The following DAD1 variants were observed in gnomAD, a reference collection of about 807,000 sequenced individuals.
DAD1 encodes defender against cell death 1, also known as dolichyl-diphosphooligosaccharide--protein glycosyltransferase subunit DAD1.
DAD1 carries 4 observed loss-of-function variants against 9.0 expected under a neutral mutation model. That is an observed-to-expected ratio of 0.44 (90% CI 0.22 to 1.01). The LOEUF (loss-of-function observed/expected upper bound fraction) is 1.01. Among genes scored for constraint, DAD1 ranks in the 50% least tolerant of loss-of-function variants. The pLI is 0.24. For synonymous variants in DAD1, 60 were observed against 62.5 expected (o/e 0.96, Z 0.19); for missense variants, 119 against 137.3 (o/e 0.87, Z 0.67).
At chr14:22,567,450 T>G (rs913110449) in intron 2 of DAD1, among the ~76,000 whole-genome samples, 13 of 152,184 alleles carry the variant, frequency 8.5e-5, no homozygotes, top group Non-Finnish European at 1.6e-4. Context: ...GAATCACCAG[T>G]TTTAGAAGGC....
intron 1 of DAD1, among the ~76,000 whole-genome samples, chr14:22,576,143 G>A (rs547294058): frequency 2.7e-4 from 41 of 152,276 alleles, no homozygotes; most frequent in African/African-American, 7.9e-4. Context: ...CCACAGGCAC[G>A]GGTGAACACA....
At chr14:22,582,301 T>G (rs1594884081) in intron 1 of DAD1, among the ~76,000 whole-genome samples, 1 of 149,398 alleles carries the variant, frequency 6.7e-6, no homozygotes, top group Non-Finnish European at 1.5e-5. Context: ...GATCACAAGG[T>G]CAGGAGATCG....
In DAD1 at chr14:22,589,197, T is replaced by C. The variant is rs2139251131; in HGVS notation, c.-40A>G. On this transcript the variant is annotated 5_prime_UTR_variant, in exon 1 of 3. Coordinates refer to ENST00000250498, the MANE Select transcript of DAD1 (RefSeq NM_001344.4). The stretch of plus-strand genomic sequence containing the variant: ...TACTCCGGTCCGCGCCCCAAACTCT[T>C]GGAGGACCCGTCGACCACACCGGAT... 1.2e-6 allele frequency: 2 copies of C among 1,605,680 alleles called. No individual in the cohort carries two copies. Among genetic ancestry groups the C allele is most frequent in the African/African-American group, 2.7e-5 (2 of 74,894 alleles).
Position 22,589,205 on chromosome 14 carries a change from C to A in DAD1, c.-48G>T. The A allele has an allele frequency of 6.3e-7, 1 of 1,590,514 alleles. No individual in the cohort carries two copies. Among genetic ancestry groups the A allele is most frequent in the Non-Finnish European group, 8.6e-7 (1 of 1,160,080 alleles). On this transcript the variant is annotated 5_prime_UTR_variant, in exon 1 of 3. Transcript: ENST00000250498. ...TCCGCGCCCCAAACTCTTGGAGGAC[C>A]CGTCGACCACACCGGATGTGCTGTT...
chr14:22,580,956 T>G (rs967582678), intron 1 of DAD1, among the ~76,000 whole-genome samples: 1 of 152,182 alleles, frequency 6.6e-6, no homozygotes, highest in Admixed American at 6.5e-5. Flanking sequence ...AAAAGCCTGT[T>G]CAAAATGCTC....
intron 1 of DAD1, among the ~76,000 whole-genome samples, chr14:22,581,724 C>T (rs1242642897): frequency 1.3e-5 from 1 of 78,290 alleles, no homozygotes; most frequent in African/African-American, 5.1e-5. Flanking sequence ...GCCTGGGCAA[C>T]AAGAGCAAAA....
intron 1 of DAD1, 105 bp downstream of exon 1, chr14:22,588,842 T>C (rs2037171755): frequency 2.6e-6 from 3 of 1,160,198 alleles, no homozygotes; most frequent in South Asian, 1.5e-5. Flanking sequence ...ATGCAGGCTC[T>C]TCTCATAACT....
intron 2 of DAD1, among the ~76,000 whole-genome samples, chr14:22,573,583 G>A (rs61972398): frequency 0.05 from 7,534 of 151,584 alleles, 235 homozygotes; most frequent in African/African-American, 0.076. Flanking sequence ...GGTGGCGGGC[G>A]CCTGTAGTCC....
At position 22,588,865 on chromosome 14, in the gene DAD1, G is replaced by T. The variant is rs2037171924; in HGVS notation, c.211+82C>A. The stretch of plus-strand genomic sequence containing the variant: ...TCTTCTCATAACTTCAAGGGGCGGT[G>T]GTCTGATATAGAGTACTATGAAAAC... On this transcript the variant is annotated intron_variant, in intron 1 of 2. Transcript: ENST00000250498. 8 of 1,360,018 alleles carry T rather than the reference G, an allele frequency of 5.9e-6. No homozygotes were observed. The South Asian group carries it at 7.9e-5, about 14-fold the overall frequency. The allele number at this position is 1,360,018 out of a possible 1,614,324, so 84.2% of individuals were successfully genotyped here.
At chr14:22,580,748 C>G (rs2037110666) in intron 1 of DAD1, among the ~76,000 whole-genome samples, 1 of 152,140 alleles carries the variant, frequency 6.6e-6, no homozygotes, top group Non-Finnish European at 1.5e-5. Context: ...TTGATGTATA[C>G]AATGCCCAAG....
chr14:22,584,416 G>A (rs1296973944), intron 1 of DAD1, among the ~76,000 whole-genome samples: 1 of 152,042 alleles, frequency 6.6e-6, no homozygotes, highest in African/African-American at 2.4e-5. Flanking sequence ...AGTCAGGGAA[G>A]GGTTCCAAAG....
At chr14:22,581,570 C>T (rs1469223014) in intron 1 of DAD1, among the ~76,000 whole-genome samples, 1 of 146,300 alleles carries the variant, frequency 6.8e-6, no homozygotes, top group Non-Finnish European at 1.5e-5. Context: ...GGAGAAACCC[C>T]GTCTCTACTA....
At chr14:22,568,279 T>C (rs2037014439) in intron 2 of DAD1, among the ~76,000 whole-genome samples, 1 of 152,250 alleles carries the variant, frequency 6.6e-6, no homozygotes, top group Admixed American at 6.5e-5. Context: ...TGTAAAAGTA[T>C]ATGTGGAATG....
Position 22,575,124 on chromosome 14 carries a change from A to G in DAD1, c.321T>C (p.Val107=), listed in dbSNP as rs756586308. Residue 107 remains valine, a synonymous_variant, in exon 2 of 3, where the codon GTT becomes GTC. Transcript: ENST00000250498. ...TGATTCAGCCAACAAAGTTCATGAC[A>G]ACAAGGTGCAGGATGGTGCTGGCAA... is the stretch of plus-strand genomic sequence containing the variant. ...FLFASTILHL[V]VMNFVG 5.0e-6 allele frequency: 8 copies of G among 1,614,108 alleles called. No individual in the cohort carries two copies. In the Admixed American group the frequency reaches 1.3e-4, roughly 27 times the overall value.
chr14:22,582,110 G>C (rs2037120904), intron 1 of DAD1, among the ~76,000 whole-genome samples: 1 of 152,144 alleles, frequency 6.6e-6, no homozygotes, highest in African/African-American at 2.4e-5. Context: ...GGGAGGCTGA[G>C]GCAGAAGAAT....
At chr14:22,579,528 G>C (rs2037100671) in intron 1 of DAD1, among the ~76,000 whole-genome samples, 1 of 152,266 alleles carries the variant, frequency 6.6e-6, no homozygotes, top group African/African-American at 2.4e-5. Flanking sequence ...TGAAGCAAGG[G>C]TAACCAGTGT....
rs1485176717 is a variant in DAD1 at position 22,567,161 on chromosome 14, T to A, written c.*45-2024A>T. 2.6e-5 allele frequency: 4 copies of A among 152,176 alleles called. No individual in the cohort carries two copies. The East Asian group carries it at 5.8e-4, about 22-fold the overall frequency. 9.4% of individuals were successfully genotyped at this position (152,176 alleles called of 1,614,324 possible). A position where few individuals can be genotyped will look rare whatever the true frequency, so the allele number is the denominator to read the frequency against. On this transcript the variant is annotated intron_variant, in intron 2 of 2. Coordinates refer to ENST00000250498, the MANE Select transcript of DAD1 (RefSeq NM_001344.4). ...GTGCCATTTAATCAGTTTGTTCTAA[T>A]CATCTAAAAAGAAAGCAAGGCATAA...
rs5742759 is a variant in DAD1, at chr14:22,584,250, T to C, written c.211+4697A>G. On this transcript the variant is annotated intron_variant, in intron 1 of 2. Coordinates refer to ENST00000250498, the MANE Select transcript of DAD1 (RefSeq NM_001344.4). ...ATTTAACATATACAGTGTTCAGCAC[T>C]GAGGATGGAGAGATGAGAAGACAGC... 8.1e-3 allele frequency among the ~76,000 whole-genome samples: 1,227 copies of C among 152,214 alleles called. 22 individuals carry two copies. Among genetic ancestry groups the C allele is most frequent in the African/African-American group, 0.028 (1,177 of 41,506 alleles).
intron 2 of DAD1, among the ~76,000 whole-genome samples, chr14:22,571,853 C>G (rs1421046241): frequency 6.6e-6 from 1 of 152,220 alleles, no homozygotes; most frequent in East Asian, 1.9e-4. Context: ...TGGTCTCAAA[C>G]TCCTGACCTC....
Sources: gnomAD v4.1 joint callset for allele counts (sites outside exome capture counted in the v4.1 genomes callset) on GRCh38, gnomAD v4.1.1 for gene constraint, MANE v1.5 for transcripts, NCBI Gene and HGNC (gene_info 2026-07-23, HGNC 2026-07-21) for gene names.